Variants in AAR2 observed in about 807,000 individuals in gnomAD.
AAR2 encodes the protein AAR2 splicing factor.
In AAR2, 31 loss-of-function variants were observed where a neutral mutation model predicts 26.9. The ratio of observed to expected loss-of-function variants is 1.15; its 90% CI spans 0.86 to 1.55. The LOEUF is 1.55. Ranked by LOEUF, AAR2 falls within the 40% of genes most tolerant of loss-of-function variation. The probability of loss-of-function intolerance (pLI) is 0.00; values close to 1 mark genes in which losing one functional copy is unlikely to be tolerated. For synonymous variants in AAR2, 188 were observed against 196.1 expected, an observed-to-expected ratio of 0.96 and a Z score of 0.34; for missense variants, 430 against 491.3, an observed-to-expected ratio of 0.88 and a Z score of 1.18.
Position 36,244,832 on chromosome 20 carries a change from T to G in AAR2, c.893T>G (p.Leu298Arg). 6.2e-7 allele frequency: 1 copy of G among 1,614,130 alleles called. No individual in the cohort carries two copies. The highest frequency in any genetic ancestry group is 8.5e-7 in the Non-Finnish European group (1 of 1,180,020). The change falls in exon 3 of 4, where the codon CTC (leucine) becomes CGC (arginine). Residue 298 changes from leucine to arginine, a missense_variant. By Grantham distance (102) the Leu-to-Arg change is moderately radical. Coordinates refer to ENST00000320849, the MANE Select transcript of AAR2 (RefSeq NM_001271874.2). ...AAGCACCACACCCTCTACATCAACC[T>G]CATCTCCATCCTGTACCACCAGCTT... ...MMKHHTLYIN[L>R]ISILYHQLGE...
chr20:36,239,501 C>T (rs1054778333), intron 1 of AAR2, among the ~76,000 whole-genome samples: 16 of 152,272 alleles, frequency 1.1e-4, no homozygotes, highest in Non-Finnish European at 1.0e-4. Flanking sequence ...TAAGAATGGA[C>T]GGTGGACAGA....
chr20:36,248,285 C>T (rs2064753484), intron 3 of AAR2, among the ~76,000 whole-genome samples: 1 of 151,868 alleles, frequency 6.6e-6, no homozygotes, highest in Admixed American at 6.6e-5. Flanking sequence ...GAGTCATGGG[C>T]TCCTTTTACA....
At chr20:36,253,155 C>T (rs2064793886) in intron 3 of AAR2, among the ~76,000 whole-genome samples, 1 of 151,944 alleles carries the variant, frequency 6.6e-6, no homozygotes, top group African/African-American at 2.4e-5. Flanking sequence ...GAAAACGAGC[C>T]GCACTCCTGC....
At chr20:36,244,590 A>C in intron 2 of AAR2, 107 bp from the exon 3 acceptor site, 1 of 1,063,536 alleles carries the variant, frequency 9.4e-7, no homozygotes, top group Middle Eastern at 2.3e-4. Context: ...ATAAAAGCTC[A>C]TCTGTTGCTG....
intron 1 of AAR2, among the ~76,000 whole-genome samples, chr20:36,238,678 C>A (rs894393140): frequency 4.0e-5 from 6 of 151,528 alleles, no homozygotes; most frequent in African/African-American, 1.5e-4. Flanking sequence ...ATTGCTTGAA[C>A]CCGGGAGGTG....
intron 3 of AAR2, among the ~76,000 whole-genome samples, chr20:36,249,227 C>T (rs972271606): frequency 6.6e-6 from 1 of 152,076 alleles, no homozygotes; most frequent in Non-Finnish European, 1.5e-5. Context: ...GAATAGAAGC[C>T]ACTGGTTTTT....
At chr20:36,242,894 G>A (rs1411843514) in intron 2 of AAR2, among the ~76,000 whole-genome samples, 9 of 127,768 alleles carry the variant, frequency 7.0e-5, no homozygotes, top group Non-Finnish European at 1.6e-5. Context: ...GTCTCACTCT[G>A]TGACATGGGC....
At chr20:36,249,251 A>T (rs930938621) in intron 3 of AAR2, among the ~76,000 whole-genome samples, 2 of 152,110 alleles carry the variant, frequency 1.3e-5, no homozygotes, top group Non-Finnish European at 2.9e-5. Context: ...AATCCCTTGG[A>T]TTTCACTTGA....
intron 3 of AAR2, among the ~76,000 whole-genome samples, chr20:36,248,155 T>C (rs749430599): frequency 8.5e-5 from 13 of 152,098 alleles, no homozygotes; most frequent in Non-Finnish European, 1.2e-4. Context: ...TCTGTCTCAA[T>C]CTCTGTCTCT....
intron 3 of AAR2, among the ~76,000 whole-genome samples, chr20:36,255,138 G>A (rs1909818847): frequency 6.6e-6 from 1 of 152,194 alleles, no homozygotes; most frequent in Non-Finnish European, 1.5e-5. Flanking sequence ...CCTCAAACTG[G>A]CAGCCTGTGG....
intron 3 of AAR2, among the ~76,000 whole-genome samples, chr20:36,253,106 G>A (rs758618377): frequency 5.7e-5 from 8 of 139,338 alleles, no homozygotes; most frequent in Non-Finnish European, 1.2e-4. Context: ...TGTTCCCACT[G>A]CTGCTACTCC....
chr20:36,240,487 C>A lies in AAR2; in HGVS notation c.619C>A (p.Arg207Ser). 6.2e-7 allele frequency: 1 copy of A among 1,614,116 alleles called. No individual in the cohort carries two copies. Among genetic ancestry groups the A allele is most frequent in the Non-Finnish European group, 8.5e-7 (1 of 1,180,046 alleles). The change falls in exon 2 of 4, where the codon CGC (arginine) becomes AGC (serine). Residue 207 changes from arginine to serine, a missense_variant. Transcript: ENST00000320849. The stretch of plus-strand genomic sequence containing the variant: ...GAAGCCCAGAGCCGGGACAGAGATC[C>A]GCTTCTCAGAGCTGCCCACGCAGAT... Reference protein sequence around the residue: ...EMKPRAGTEIRFSELPTQMFP... With the variant: ...EMKPRAGTEISFSELPTQMFP...
intron 2 of AAR2, among the ~76,000 whole-genome samples, chr20:36,243,515 T>C (rs1037306068): frequency 6.6e-6 from 1 of 152,206 alleles, no homozygotes; most frequent in East Asian, 1.9e-4. Flanking sequence ...ATCTCTTCTT[T>C]TTATGGCCCA....
At chr20:36,244,451 T>C (rs1020354746) in intron 2 of AAR2, among the ~76,000 whole-genome samples, 2 of 152,238 alleles carry the variant, frequency 1.3e-5, no homozygotes, top group African/African-American at 4.8e-5. Flanking sequence ...TCTCTAGCAG[T>C]CTGATTTTAT....
At chr20:36,241,512 T>C (rs1447947392) in intron 2 of AAR2, among the ~76,000 whole-genome samples, 1 of 152,134 alleles carries the variant, frequency 6.6e-6, no homozygotes, top group Non-Finnish European at 1.5e-5. Context: ...AGTGGCCGGG[T>C]GTGGTGACTC....
At chr20:36,240,754 G>C in intron 2 of AAR2, 129 bp downstream of exon 2, 1 of 1,254,994 alleles carries the variant, frequency 8.0e-7, no homozygotes, top group Non-Finnish European at 1.1e-6. Flanking sequence ...GAAGATACAG[G>C]TGTGTCTTTA....
chr20:36,237,918 G>C (rs2064632657), intron 1 of AAR2, among the ~76,000 whole-genome samples: 1 of 151,820 alleles, frequency 6.6e-6, no homozygotes, highest in Non-Finnish European at 1.5e-5. Flanking sequence ...AAGTAGCTGG[G>C]ACTACTGGCG....
intron 1 of AAR2, among the ~76,000 whole-genome samples, chr20:36,238,135 C>T (rs2147283510): frequency 6.6e-6 from 1 of 152,164 alleles, no homozygotes; most frequent in East Asian, 1.9e-4. Context: ...ATGACTGTGA[C>T]CTACAGTAAC....
chr20:36,255,869 G>A lies in AAR2; in HGVS notation c.*124G>A. On this transcript the variant is annotated 3_prime_UTR_variant, in exon 4 of 4. Coordinates refer to ENST00000320849, the MANE Select transcript of AAR2 (RefSeq NM_001271874.2). Reference sequence around the variant, plus strand: ...CAATCTCTCCAGGTCCTGCAAAGATGGAGCCAGAATTCCCTTTTTCACTGA... The same window carrying A: ...CAATCTCTCCAGGTCCTGCAAAGATAGAGCCAGAATTCCCTTTTTCACTGA... The A allele has an allele frequency of 8.1e-7, 1 of 1,228,376 alleles. No individual in the cohort carries two copies. The highest frequency in any genetic ancestry group is 1.1e-6 in the Non-Finnish European group (1 of 897,610). The allele number at this position is 1,228,376 out of a possible 1,614,324, so 76.1% of individuals were successfully genotyped here. A position where few individuals can be genotyped will look rare whatever the true frequency, so the allele number is the denominator to read the frequency against.
Sources: allele counts gnomAD v4.1 joint callset (sites outside exome capture counted in the v4.1 genomes callset), GRCh38; gene constraint gnomAD v4.1.1; transcripts MANE v1.5; gene names NCBI Gene and HGNC (gene_info 2026-07-23, HGNC 2026-07-21).